Variants in PDE4D observed in about 807,000 individuals in gnomAD.
PDE4D encodes 3',5'-cyclic-AMP phosphodiesterase 4D.
A neutral mutation model predicts 87.4 loss-of-function variants in PDE4D; 24 were observed. That is an observed-to-expected ratio of 0.27 (90% CI 0.20 to 0.39). The LOEUF (loss-of-function observed/expected upper bound fraction) is 0.39. PDE4D is among the 10% of genes least tolerant of loss of function. The pLI is 1.00. For synonymous variants in PDE4D, 384 were observed against 383.2 expected (o/e 1.00, Z -0.02); for missense variants, 714 against 1,041.0 (o/e 0.69, Z 4.32).
chr5:59,993,140 T>C (rs1437631862), intron 2 of PDE4D, among the ~76,000 whole-genome samples: 3 of 152,190 alleles, frequency 2.0e-5, no homozygotes, highest in African/African-American at 7.2e-5. Flanking sequence ...ATTAGAATCA[T>C]AGATGGTGCT....
At chr5:59,434,437 C>T (rs1796522534) in intron 1 of PDE4D, among the ~76,000 whole-genome samples, 1 of 152,038 alleles carries the variant, frequency 6.6e-6, no homozygotes, top group Non-Finnish European at 1.5e-5. Flanking sequence ...GTTTTCTGCT[C>T]ATACCTGGAC....
chr5:60,402,014 A>C (rs1361400485), intron 1 of PDE4D, among the ~76,000 whole-genome samples: 1 of 152,196 alleles, frequency 6.6e-6, no homozygotes, highest in East Asian at 1.9e-4. Flanking sequence ...ATCAACCAAG[A>C]GTAAAGAGAA....
chr5:59,802,151 C>A (rs914680425), intron 1 of PDE4D, among the ~76,000 whole-genome samples: 1 of 152,104 alleles, frequency 6.6e-6, no homozygotes, highest in African/African-American at 2.4e-5. Context: ...TTTTGGCAAT[C>A]TCTATGCCCA....
intron 1 of PDE4D, among the ~76,000 whole-genome samples, chr5:59,288,464 T>TTAGA (rs1485380050): frequency 2.6e-5 from 4 of 151,568 alleles, no homozygotes; most frequent in Non-Finnish European, 4.4e-5. Context: ...GAAAATAGTC[T>TTAGA]CAAAAGGGCA....
intron 5 of PDE4D, among the ~76,000 whole-genome samples, chr5:59,118,941 G>C (rs1210115903): frequency 3.9e-5 from 6 of 152,124 alleles, no homozygotes; most frequent in Non-Finnish European, 8.8e-5. Flanking sequence ...GTAAAGTAAG[G>C]CATGAGAGAA....
intron 2 of PDE4D, among the ~76,000 whole-genome samples, chr5:59,207,136 A>ATTAC (rs552627797): frequency 1.1e-3 from 174 of 152,248 alleles, no homozygotes; most frequent in African/African-American, 4.0e-3. Context: ...GTGAGCTGTG[A>ATTAC]TTACACTGCT....
At chr5:60,014,113 A>G (rs1765288009) in intron 2 of PDE4D, among the ~76,000 whole-genome samples, 1 of 151,042 alleles carries the variant, frequency 6.6e-6, no homozygotes, top group African/African-American at 2.4e-5. Flanking sequence ...AAAAAAAAAA[A>G]AGTCTGACCA....
At chr5:59,583,592 C>G (rs1824583745) in intron 1 of PDE4D, among the ~76,000 whole-genome samples, 2 of 152,214 alleles carry the variant, frequency 1.3e-5, no homozygotes, top group East Asian at 1.9e-4. Flanking sequence ...ATTCTTCATA[C>G]CACTCTTTTA....
chr5:59,340,732 T>G (rs1778582098), intron 1 of PDE4D, among the ~76,000 whole-genome samples: 1 of 152,198 alleles, frequency 6.6e-6, no homozygotes, highest in African/African-American at 2.4e-5. Flanking sequence ...TCTATCTCCA[T>G]GAGATCAATT....
intron 1 of PDE4D, among the ~76,000 whole-genome samples, chr5:59,710,218 A>G (rs552978635): frequency 6.6e-6 from 1 of 152,234 alleles, no homozygotes; most frequent in African/African-American, 2.4e-5. Flanking sequence ...GAAGAAGTCA[A>G]TTTTTCAGCT....
At chr5:59,835,051 G>A (rs1741794464) in intron 1 of PDE4D, among the ~76,000 whole-genome samples, 1 of 152,022 alleles carries the variant, frequency 6.6e-6, no homozygotes, top group Non-Finnish European at 1.5e-5. Context: ...TTGTACCAGT[G>A]AACAGAGCAA....
intron 1 of PDE4D, among the ~76,000 whole-genome samples, chr5:60,319,113 C>G (rs906089118): frequency 6.6e-6 from 1 of 152,210 alleles, no homozygotes; most frequent in African/African-American, 2.4e-5. Context: ...CCATCACTTT[C>G]AGGTACACCA....
chr5:59,739,385 A>T (rs1212552706), intron 1 of PDE4D, among the ~76,000 whole-genome samples: 2 of 152,168 alleles, frequency 1.3e-5, no homozygotes, highest in Non-Finnish European at 2.9e-5. Flanking sequence ...GTGCCACTGC[A>T]CTTCACCCTG....
At chr5:60,277,909 A>G (rs1309587168) in intron 1 of PDE4D, among the ~76,000 whole-genome samples, 1 of 152,132 alleles carries the variant, frequency 6.6e-6, no homozygotes, top group African/African-American at 2.4e-5. Context: ...CTCTACATAC[A>G]CTTAGAACCA....
rs201641918 is a variant in PDE4D, at chr5:59,759,154, G to GA, written c.455+134013dup. 3.6e-3 allele frequency among the ~76,000 whole-genome samples: 547 copies of GA among 150,652 alleles called. 4 individuals are homozygous for GA. Among genetic ancestry groups the GA allele is most frequent in the African/African-American group, 0.013 (522 of 41,122 alleles). On this transcript the variant is annotated intron_variant, in intron 1 of 14. Transcript: ENST00000340635. ...ACAAATTTGGTAGCTTTCTATCTAA[G>GA]AAAAAAAAAGTGCTGAAACTCCTTT... is the stretch of plus-strand genomic sequence containing the variant.
intron 1 of PDE4D, among the ~76,000 whole-genome samples, chr5:59,524,098 C>T (rs115246290): frequency 4.6e-5 from 7 of 152,260 alleles, no homozygotes; most frequent in African/African-American, 1.7e-4. Context: ...TGTGGCACTA[C>T]TGCAGATACC....
intron 2 of PDE4D, among the ~76,000 whole-genome samples, chr5:60,073,896 T>C (rs1163420137): frequency 1.3e-5 from 2 of 152,094 alleles, no homozygotes; most frequent in Admixed American, 1.3e-4. Context: ...TTTAAAATTG[T>C]GTTTATTTGG....
chr5:59,520,241 C>A (rs968943530), intron 1 of PDE4D, among the ~76,000 whole-genome samples: 3 of 152,108 alleles, frequency 2.0e-5, no homozygotes, highest in African/African-American at 7.2e-5. Context: ...CCAGCCTGGG[C>A]AACAGAGTGA....
At chr5:59,887,529 T>G (rs1467366438) in intron 1 of PDE4D, among the ~76,000 whole-genome samples, 2 of 152,200 alleles carry the variant, frequency 1.3e-5, no homozygotes, top group Non-Finnish European at 2.9e-5. Flanking sequence ...AACCTGTAGA[T>G]GGATAATAAG....
Sources: gnomAD v4.1 joint callset for allele counts (sites outside exome capture counted in the v4.1 genomes callset) on GRCh38, gnomAD v4.1.1 for gene constraint, MANE v1.5 for transcripts, NCBI Gene and HGNC (gene_info 2026-07-23, HGNC 2026-07-21) for gene names.